The following USP33 variants were observed in gnomAD, a reference collection of about 807,000 sequenced individuals.
USP33 encodes ubiquitin carboxyl-terminal hydrolase 33.
A neutral mutation model predicts 124.2 loss-of-function variants in USP33; 46 were observed. That is an observed-to-expected ratio of 0.37 (90% confidence interval 0.29 to 0.47). USP33 has a LOEUF of 0.47. USP33 is among the 20% of genes least tolerant of loss of function. The pLI, the probability that USP33 is intolerant of heterozygous loss-of-function variation, is 0.99. For synonymous variants in USP33, 350 were observed against 352.3 expected (o/e 0.99, Z 0.07); for missense variants, 851 against 1,070.6 (o/e 0.79, Z 2.86).
At chr1:77,727,384 G>C (rs1380638946) in intron 10 of USP33, among the ~76,000 whole-genome samples, 1 of 152,160 alleles carries the variant, frequency 6.6e-6, no homozygotes, top group African/African-American at 2.4e-5. Flanking sequence ...GAAAAGCCTG[G>C]ACAGCAGTCA....
chr1:77,722,521 C>T (rs371990390), intron 12 of USP33: 7 of 171,690 alleles, frequency 4.1e-5, no homozygotes, highest in Non-Finnish European at 6.2e-5. Flanking sequence ...AACTCTTAAG[C>T]ACTATTGTAT....
In USP33 at chr1:77,721,208, G is replaced by A; in HGVS notation, c.1658-3C>T. ...TTCACAACTGTACATATTGTCACCT[G>A]CAAATAAAACAGATCTGGCATTGGT... On this transcript the variant is annotated splice_polypyrimidine_tract_variant and splice_region_variant and intron_variant, in intron 14 of 23. Coordinates refer to ENST00000370794, the MANE Select transcript of USP33 (RefSeq NM_201624.3). 1 of 1,613,596 alleles carries A rather than the reference G, an allele frequency of 6.2e-7. No individual in the cohort carries two copies. The highest frequency in any genetic ancestry group is 2.2e-5 in the East Asian group (1 of 44,822).
chr1:77,735,327 T>G (rs896356673), intron 6 of USP33, among the ~76,000 whole-genome samples: 5 of 152,096 alleles, frequency 3.3e-5, no homozygotes, highest in African/African-American at 1.2e-4. Flanking sequence ...CTACAAAAAA[T>G]TATAAATGCT....
At chr1:77,733,206 C>A (rs1232435901) in intron 7 of USP33, among the ~76,000 whole-genome samples, 6 of 152,098 alleles carry the variant, frequency 3.9e-5, no homozygotes, top group Non-Finnish European at 5.9e-5. Context: ...CCAGCCTAGG[C>A]AACAAGGTGA....
chr1:77,741,089 A>C, intron 3 of USP33, 150 bp from the exon 4 acceptor site: 1 of 643,482 alleles, frequency 1.6e-6, no homozygotes, highest in Non-Finnish European at 2.6e-6. Context: ...AATTTAACCA[A>C]ATGTTTCCAG....
chr1:77,699,502 G>A (rs1472646624), intron 22 of USP33, among the ~76,000 whole-genome samples: 1 of 152,184 alleles, frequency 6.6e-6, no homozygotes, highest in Non-Finnish European at 1.5e-5. Flanking sequence ...GAGTGACAAA[G>A]TGAGCCTCTT....
rs528842832 is a variant in USP33, at chr1:77,714,821, T to C, written c.2046-38A>G. 40 of 1,593,814 alleles carry C rather than the reference T, an allele frequency of 2.5e-5. No homozygotes were observed. The African/African-American group carries it at 4.7e-4, about 19-fold the overall frequency. On this transcript the variant is annotated intron_variant, in intron 18 of 23. Coordinates refer to ENST00000370794, the MANE Select transcript of USP33 (RefSeq NM_201624.3). ...ATGATTAGTTAAATTCAATATGCAT[T>C]TTACTACATTACTAGTAGATGGATT...
At chr1:77,747,973 A>C (rs1679905811) in intron 1 of USP33, among the ~76,000 whole-genome samples, 1 of 152,224 alleles carries the variant, frequency 6.6e-6, no homozygotes, top group Non-Finnish European at 1.5e-5. Flanking sequence ...TGACAATACC[A>C]TATTAATCTG....
intron 5 of USP33, among the ~76,000 whole-genome samples, chr1:77,738,462 T>C (rs1377842129): frequency 4.6e-5 from 7 of 152,034 alleles, no homozygotes; most frequent in Admixed American, 4.6e-4. Context: ...AGTCTCTTGA[T>C]CCAAAAGGAG....
intron 12 of USP33, 185 bp from the exon 13 acceptor site, chr1:77,722,381 A>C (rs1676667047): frequency 7.0e-6 from 4 of 574,240 alleles, no homozygotes; most frequent in East Asian, 3.1e-5. Flanking sequence ...AAAAACAAAA[A>C]ACAAAACACA....
intron 1 of USP33, among the ~76,000 whole-genome samples, chr1:77,748,779 T>TTCC (rs1428350967): frequency 4.4e-4 from 21 of 47,628 alleles, no homozygotes; most frequent in Non-Finnish European, 6.0e-4. Flanking sequence ...ATTCCTTCCC[T>TTCC]CCCCCCCCCC....
chr1:77,701,733 G>A (rs370075694), intron 21 of USP33: 52 of 270,068 alleles, frequency 1.9e-4, no homozygotes, highest in East Asian at 4.3e-4. Flanking sequence ...GCAATGGCAC[G>A]ATCTGGGCTC....
intron 21 of USP33, among the ~76,000 whole-genome samples, chr1:77,703,387 G>A (rs1468762639): frequency 1.3e-5 from 2 of 152,062 alleles, no homozygotes. Context: ...CAGCACTTTG[G>A]AAGGCCAAGG....
rs1676633068 is a variant in USP33 at position 77,722,144 on chromosome 1, T to C, written c.1442A>G (p.Lys481Arg). Residue 481 changes from lysine (K) to arginine (R), a missense_variant, in exon 13 of 24, where the codon AAG becomes AGG. Around this residue, in one of 4 missense-constraint regions of USP33, gnomAD observed 281 missense variants for 425.0 expected, o/e 0.66. Coordinates refer to ENST00000370794, the MANE Select transcript of USP33 (RefSeq NM_201624.3). The part of the protein sequence containing the change: ...FQDLSLPIPG[K>R]EDLAKLHSSS... ...TGAATGCAGCTTAGCAAGGTCTTCC[T>C]TGCCAGGAATTGGCAAGGACAGATC... 6.2e-7 allele frequency: 1 copy of C among 1,613,810 alleles called. No individual in the cohort carries two copies. Among genetic ancestry groups the C allele is most frequent in the African/African-American group, 1.3e-5 (1 of 74,920 alleles).
In USP33 at chr1:77,711,975, A is replaced by C. The variant is rs533241461; in HGVS notation, c.2298-120T>G. On this transcript the variant is annotated intron_variant, in intron 20 of 23. Coordinates refer to ENST00000370794, the MANE Select transcript of USP33 (RefSeq NM_201624.3). ...AATAAAATTCTCAAAGTAATATAAA[A>C]ATCAAAAATCATATAAGGACTTGTT... 3 of 977,072 alleles carry C rather than the reference A, an allele frequency of 3.1e-6. No individual in the cohort carries two copies. In the East Asian group the frequency reaches 8.5e-5, roughly 28 times the overall value. 60.5% of individuals were successfully genotyped at this position (977,072 alleles called of 1,614,324 possible). A position where few individuals can be genotyped will look rare whatever the true frequency, so the allele number is the denominator to read the frequency against.
At chr1:77,719,437 G>A (rs910897357) in intron 15 of USP33, among the ~76,000 whole-genome samples, 14 of 152,152 alleles carry the variant, frequency 9.2e-5, no homozygotes, top group African/African-American at 3.4e-4. Flanking sequence ...GATGAAAATT[G>A]TTTTGTTTTA....
chr1:77,707,539 A>G (rs1453912493), intron 21 of USP33, among the ~76,000 whole-genome samples: 2 of 152,152 alleles, frequency 1.3e-5, no homozygotes, highest in Non-Finnish European at 2.9e-5. Context: ...TAATTTACAG[A>G]GATTAGAGTA....
At chr1:77,742,660 C>T (rs1033557489) in intron 1 of USP33, among the ~76,000 whole-genome samples, 6 of 152,128 alleles carry the variant, frequency 3.9e-5, no homozygotes, top group Non-Finnish European at 7.4e-5. Flanking sequence ...TTTGGTTGTA[C>T]CTTTTTAATA....
intron 1 of USP33, among the ~76,000 whole-genome samples, chr1:77,747,615 A>G (rs1226322134): frequency 6.6e-6 from 1 of 152,068 alleles, no homozygotes; most frequent in Non-Finnish European, 1.5e-5. Flanking sequence ...ACTGTTATTA[A>G]CTTTCTTATG....
Sources: gnomAD v4.1 joint callset for allele counts (sites outside exome capture counted in the v4.1 genomes callset) on GRCh38, gnomAD v4.1.1 for gene constraint, gnomAD v4.1.1 regional missense constraint, MANE v1.5 for transcripts, NCBI Gene and HGNC (gene_info 2026-07-23, HGNC 2026-07-21) for gene names.